The following ADAMTS1 variants were observed in gnomAD, a reference collection of about 807,000 sequenced individuals.
ADAMTS1 encodes ADAM metallopeptidase with thrombospondin type 1 motif 1, also known as A disintegrin and metalloproteinase with thrombospondin motifs 1.
ADAMTS1 carries 19 observed loss-of-function variants against 87.9 expected under a neutral mutation model. The observed-to-expected ratio is 0.22, with a 90% CI of 0.15 to 0.32. The LOEUF (loss-of-function observed/expected upper bound fraction) is 0.32. ADAMTS1 is among the 10% of genes least tolerant of loss of function. The pLI, the probability that ADAMTS1 is intolerant of heterozygous loss-of-function variation, is 1.00. For missense variants in ADAMTS1, 1,240 were observed against 1,259.1 expected, an observed-to-expected ratio of 0.98 and a Z score of 0.23; for synonymous variants, 542 against 501.8, an observed-to-expected ratio of 1.08 and a Z score of -1.07.
At chr21:26,839,495 T>C in intron 7 of ADAMTS1, 92 bp downstream of exon 7, 2 of 1,197,070 alleles carry the variant, frequency 1.7e-6, no homozygotes, top group Middle Eastern at 3.0e-4. Flanking sequence ...TATGTTAATA[T>C]GGAAAGCAAA....
Position 26,837,561 on chromosome 21 carries a change from T to A in ADAMTS1, c.*18A>T. ...CCTCACTTTGCCTTGCCCTCAAAGCTAACACCACTTAAACCACTTAACTGC... is the reference window on the plus strand; with the variant it reads ...CCTCACTTTGCCTTGCCCTCAAAGCAAACACCACTTAAACCACTTAACTGC... On this transcript the variant is annotated 3_prime_UTR_variant, in exon 9 of 9. Transcript: ENST00000284984. The A allele has an allele frequency of 6.2e-7, 1 of 1,610,604 alleles. No homozygotes were observed. Among genetic ancestry groups the A allele is most frequent in the Non-Finnish European group, 8.5e-7 (1 of 1,177,548 alleles).
At chr21:26,843,829 T>G in intron 1 of ADAMTS1, 1 of 460,818 alleles carries the variant, frequency 2.2e-6, no homozygotes, top group African/African-American at 2.0e-5. Context: ...GTTACAAAAC[T>G]CAGCGCAACG....
At position 26,838,097 on chromosome 21, in the gene ADAMTS1, C is replaced by A; in HGVS notation, c.2386G>T (p.Gly796Cys). ...GAGCCGCTGTACCTCAAGACAACAC[C>A]TTTGTACATAATGTCTTGCTCTAAG... Reference protein sequence around the residue: ...STLEQDIMYKGVVLRYSGSSA... With the variant: ...STLEQDIMYKCVVLRYSGSSA... The change falls in exon 9 of 9, where the codon GGT (glycine) becomes TGT (cysteine). Residue 796 changes from glycine to cysteine, a missense_variant. Around this residue, in one of 3 missense-constraint regions of ADAMTS1, gnomAD observed 402 missense variants for 399.1 expected, o/e 1.01. Transcript: ENST00000284984. 1 of 1,614,148 alleles carries A rather than the reference C, an allele frequency of 6.2e-7. No individual in the cohort carries two copies. Among genetic ancestry groups the A allele is most frequent in the Non-Finnish European group, 8.5e-7 (1 of 1,180,024 alleles).
At chr21:26,842,989 C>T in intron 1 of ADAMTS1, 1 of 364,966 alleles carries the variant, frequency 2.7e-6, no homozygotes, top group South Asian at 3.3e-5. Context: ...CATAATCCTA[C>T]CCAATTGTAG....
rs773507330 is a variant in ADAMTS1, at chr21:26,837,877, G to A, written c.2606C>T (p.Ser869Leu). 2 of 1,614,040 alleles carry A rather than the reference G, an allele frequency of 1.2e-6. No homozygotes were observed. Among genetic ancestry groups the A allele is most frequent in the Non-Finnish European group, 1.7e-6 (2 of 1,180,048 alleles). The change falls in exon 9 of 9, where the codon TCA becomes TTA. Residue 869 changes from serine (S) to leucine (L), a missense_variant. Transcript: ENST00000284984. ...TCTTCTCTGCCAACCCAATTCACAT[G>A]ACTTAGAACATTCGCCCCACTCTTC... ...VIEEWGECSK[S>L]CELGWQRRLV...
chr21:26,837,739 C>T lies in ADAMTS1; in HGVS notation c.2744G>A (p.Gly915Glu), dbSNP rs750878208. The change falls in exon 9 of 9, where the codon GGG becomes GAG. Residue 915 changes from glycine to glutamate, a missense_variant. Transcript: ENST00000284984. The part of the protein sequence containing the change: ...ADHPCPQWQL[G>E]EWSSCSKTCG... ...GGTCTTAGAACATGATGACCACTCC[C>T]CCAGCTGCCACTGGGGGCAGGGATG... 7.4e-6 allele frequency: 12 copies of T among 1,614,082 alleles called. No homozygotes were observed. The highest frequency in any genetic ancestry group is 4.4e-5 in the South Asian group (4 of 91,088).
At chr21:26,842,293 G>A in intron 2 of ADAMTS1, 46 bp downstream of exon 2, 1 of 1,562,522 alleles carries the variant, frequency 6.4e-7, no homozygotes. Context: ...GTACAACGTA[G>A]ACTCCTAAGA....
chr21:26,838,976 C>T (rs1473632027), intron 7 of ADAMTS1: 1 of 186,292 alleles, frequency 5.4e-6, no homozygotes, highest in African/African-American at 2.3e-5. Flanking sequence ...AATATTGAAT[C>T]TGCAACTTGG....
At chr21:26,840,144 A>T in intron 5 of ADAMTS1, 83 bp from the exon 6 acceptor site, 1 of 1,549,578 alleles carries the variant, frequency 6.5e-7, no homozygotes, top group Non-Finnish European at 8.7e-7. Flanking sequence ...TGGGACAAAG[A>T]ATCAGTTCTA....
chr21:26,843,199 G>A (rs574024220), intron 1 of ADAMTS1, among the ~76,000 whole-genome samples: 1 of 152,236 alleles, frequency 6.6e-6, no homozygotes, highest in South Asian at 2.1e-4. Flanking sequence ...GGGGTGCTCC[G>A]CTCTTGCCAA....
chr21:26,844,720 G>C lies in ADAMTS1; in HGVS notation c.235C>G (p.His79Asp), dbSNP rs1677931660. ...PGHGTTRLRL[H>D]AFDQQLDLEL... ...AGATCCAGCTGCTGGTCAAAGGCGT[G>C]CAGGCGGAGGCGCGTGGTCCCGTGT... The change falls in exon 1 of 9, where the codon CAC (histidine) becomes GAC (aspartate). Residue 79 changes from histidine (H) to aspartate (D), a missense_variant. Physicochemically the swap from His to Asp is moderately conservative, Grantham distance 81. Around this residue, in one of 3 missense-constraint regions of ADAMTS1, gnomAD observed 521 missense variants for 449.7 expected, o/e 1.16. Transcript: ENST00000284984. 1 of 1,580,674 alleles carries C rather than the reference G, an allele frequency of 6.3e-7. No individual in the cohort carries two copies. The highest frequency in any genetic ancestry group is 1.3e-5 in the African/African-American group (1 of 74,518).
At chr21:26,841,294 C>T (rs905576473) in intron 3 of ADAMTS1, 129 bp from the exon 4 acceptor site, 1 of 891,974 alleles carries the variant, frequency 1.1e-6, no homozygotes, top group Non-Finnish European at 1.7e-6. Context: ...GCATGGCCAA[C>T]ATAGTGAAAC....
At position 26,838,486 on chromosome 21, in the gene ADAMTS1, TC is replaced by T; in HGVS notation, c.2156del (p.Gly719GlufsTer35). ...KKFDKCGVCG[G>X]NGSTCKKISG... ...ATATTTTTTTACAAGTAGATCCATT[TC>T]CCCCGCAAACACCACATTTATCAAA... is the stretch of plus-strand genomic sequence containing the variant. On this transcript the variant is annotated frameshift_variant, in exon 8 of 9. Coordinates refer to ENST00000284984, the MANE Select transcript of ADAMTS1 (RefSeq NM_006988.5). LOFTEE classifies it high-confidence loss of function. 1 of 1,614,154 alleles carries T rather than the reference TC, an allele frequency of 6.2e-7. No individual in the cohort carries two copies. The highest frequency in any genetic ancestry group is 1.1e-5 in the South Asian group (1 of 91,074).
chr21:26,843,789 C>T (rs751411973), intron 1 of ADAMTS1: 1 of 482,200 alleles, frequency 2.1e-6, no homozygotes, highest in South Asian at 1.5e-5. Context: ...TCCGCCCTCC[C>T]GTGAGCGCAG....
In ADAMTS1 at chr21:26,842,666, C is replaced by T. The variant is rs764279264; in HGVS notation, c.750G>A (p.Lys250=). The change falls in exon 2 of 9, where the codon AAG becomes AAA. Residue 250 remains lysine, a synonymous_variant. Coordinates refer to ENST00000284984, the MANE Select transcript of ADAMTS1 (RefSeq NM_006988.5). ...GQPTGTGSIR[K]KRFVSSHRYV... is the part of the protein sequence containing the mutation. Reference sequence around the variant, plus strand: ...AGCGGTGACTGGACACAAATCGCTTCTTTCTTATGCTTCCAGTTCCTGTAA... The same window carrying T: ...AGCGGTGACTGGACACAAATCGCTTTTTTCTTATGCTTCCAGTTCCTGTAA... The T allele has an allele frequency of 1.6e-5, 26 of 1,612,402 alleles. No individual in the cohort carries two copies. In the African/African-American group the frequency reaches 3.5e-4, roughly 22 times the overall value.
rs906586982 is a variant in ADAMTS1 at position 26,844,687 on chromosome 21, G to C, written c.268C>G (p.Arg90Gly). Reference sequence around the variant, plus strand: ...GGCGCCAAAAAGCTGCTGTCGGGCCGCAGCTCCAGATCCAGCTGCTGGTCA... The same window carrying C: ...GGCGCCAAAAAGCTGCTGTCGGGCCCCAGCTCCAGATCCAGCTGCTGGTCA... The part of the protein sequence containing the change: ...AFDQQLDLEL[R>G]PDSSFLAPGF... The change falls in exon 1 of 9, where the codon CGG becomes GGG. Residue 90 changes from arginine (R) to glycine (G), a missense_variant. Arg to Gly is a moderately radical substitution (Grantham distance 125). Transcript: ENST00000284984. 1.1e-5 allele frequency: 18 copies of C among 1,593,932 alleles called. No individual in the cohort carries two copies. Among genetic ancestry groups the C allele is most frequent in the Non-Finnish European group, 1.4e-5 (16 of 1,170,826 alleles).
rs1245411738 is a variant in ADAMTS1, at chr21:26,837,673, G to C, written c.2810C>G (p.Ser937Cys). 1 of 1,614,198 alleles carries C rather than the reference G, an allele frequency of 6.2e-7. No homozygotes were observed. The highest frequency in any genetic ancestry group is 1.7e-5 in the Admixed American group (1 of 60,022). The change falls in exon 9 of 9, where the codon TCC becomes TGC. Residue 937 changes from serine (S) to cysteine (C), a missense_variant. Ser to Cys is a moderately radical substitution (Grantham distance 112, BLOSUM62 -1). Coordinates refer to ENST00000284984, the MANE Select transcript of ADAMTS1 (RefSeq NM_006988.5). ...ATGAGATAACACCCCTCCATCATGGGACAGACACTTCAAGCTTCTTTTTTT... is the reference window on the plus strand; with the variant it reads ...ATGAGATAACACCCCTCCATCATGGCACAGACACTTCAAGCTTCTTTTTTT... ...GYKKRSLKCL[S>C]HDGGVLSHES...
intron 1 of ADAMTS1, chr21:26,843,638 G>A (rs1406579725): frequency 2.2e-6 from 1 of 462,304 alleles, no homozygotes; most frequent in African/African-American, 2.0e-5. Flanking sequence ...AGCAGGTTCT[G>A]CGAAGGGGCC....
chr21:26,843,753 A>AC (rs1985547291), intron 1 of ADAMTS1: 2 of 494,768 alleles, frequency 4.0e-6, no homozygotes, highest in African/African-American at 3.9e-5. Flanking sequence ...TTCCCAGGTC[A>AC]CCATTGCTCC....
Sources: allele counts gnomAD v4.1 joint callset (sites outside exome capture counted in the v4.1 genomes callset), GRCh38; gene constraint gnomAD v4.1.1; regional missense constraint gnomAD v4.1.1; transcripts MANE v1.5; gene names NCBI Gene and HGNC (gene_info 2026-07-23, HGNC 2026-07-21).